ATG7: variants seen among roughly 807,000 people sequenced by gnomAD.
The protein encoded by ATG7 is autophagy related 7.
ATG7 carries 70 observed loss-of-function variants against 82.4 expected under a neutral mutation model. The observed-to-expected ratio is 0.85, with a 90% CI of 0.70 to 1.04. The LOEUF (loss-of-function observed/expected upper bound fraction) is 1.04, where lower values mean the gene tolerates loss of function less well. ATG7 is among the 50% of genes least tolerant of loss of function. ATG7 has a pLI of 0.00. For missense variants in ATG7, 792 were observed against 864.3 expected (o/e 0.92, Z 1.05); for synonymous variants, 287 against 313.0 (o/e 0.92, Z 0.88).
chr3:11,413,784 A>G (rs1284574791), intron 19 of ATG7, among the ~76,000 whole-genome samples: 1 of 152,166 alleles, frequency 6.6e-6, no homozygotes, highest in Non-Finnish European at 1.5e-5. Flanking sequence ...AATTCTTTAG[A>G]AAAGTTTGAA....
chr3:11,311,506 G>A (rs1948660311), intron 7 of ATG7, among the ~76,000 whole-genome samples: 1 of 151,758 alleles, frequency 6.6e-6, no homozygotes, highest in Non-Finnish European at 1.5e-5. Flanking sequence ...GGAGGCTGAG[G>A]CAGAAGAATT....
In ATG7 at chr3:11,424,095, C is replaced by A. The variant is rs559336293; in HGVS notation, c.1957-2709C>A. Among the ~76,000 whole-genome samples the A allele has an allele frequency of 1.8e-3, 276 of 151,862 alleles. 1 individual carries two copies. The highest frequency in any genetic ancestry group is 6.1e-3 in the African/African-American group (252 of 41,350). ...TCTAGACCCTAGAGCTCCCCTGCCT[C>A]CCGTCGCCTGGTCCTTTCGCTTTTC... On this transcript the variant is annotated intron_variant, in intron 19 of 20. Transcript: ENST00000693202.
chr3:11,328,799 T>C (rs1404378388), intron 9 of ATG7, among the ~76,000 whole-genome samples: 2 of 152,136 alleles, frequency 1.3e-5, no homozygotes, highest in Non-Finnish European at 2.9e-5. Flanking sequence ...TATGAAACAA[T>C]ATTTAGGCCA....
chr3:11,423,495 A>G (rs927541669), intron 19 of ATG7, among the ~76,000 whole-genome samples: 2 of 152,222 alleles, frequency 1.3e-5, no homozygotes, highest in African/African-American at 4.8e-5. Context: ...GTAATCACTA[A>G]ACACATAGTA....
At chr3:11,539,951 G>T (rs901190730) in intron 20 of ATG7, among the ~76,000 whole-genome samples, 1 of 152,178 alleles carries the variant, frequency 6.6e-6, no homozygotes, top group Non-Finnish European at 1.5e-5. Flanking sequence ...GAGTGTACCA[G>T]AATTGTTTAC....
At chr3:11,537,302 C>T (rs2070399586) in intron 20 of ATG7, among the ~76,000 whole-genome samples, 1 of 152,166 alleles carries the variant, frequency 6.6e-6, no homozygotes, top group African/African-American at 2.4e-5. Flanking sequence ...CATTCCACCT[C>T]TCACCCCATT....
intron 19 of ATG7, among the ~76,000 whole-genome samples, chr3:11,388,902 TACAC>T (rs1040070284): frequency 1.3e-5 from 2 of 152,200 alleles, no homozygotes; most frequent in Non-Finnish European, 2.9e-5. Context: ...TATATGGTCT[TACAC>T]ACACAGGCTT....
At chr3:11,538,724 A>G (rs185528677) in intron 20 of ATG7, among the ~76,000 whole-genome samples, 2 of 150,048 alleles carry the variant, frequency 1.3e-5, no homozygotes, top group East Asian at 3.9e-4. Context: ...AAAAAAAAAA[A>G]AAAGCCAGAT....
intron 20 of ATG7, among the ~76,000 whole-genome samples, chr3:11,450,427 A>C (rs2084997898): frequency 6.6e-6 from 1 of 152,186 alleles, no homozygotes. Flanking sequence ...CATTTTCCAC[A>C]GATCCTACCT....
intron 20 of ATG7, among the ~76,000 whole-genome samples, chr3:11,529,046 A>G (rs1307376871): frequency 6.6e-6 from 1 of 151,904 alleles, no homozygotes; most frequent in Non-Finnish European, 1.5e-5. Context: ...GAAATACCAT[A>G]TGGAAGGCAC....
intron 20 of ATG7, chr3:11,510,252 A>T (rs2153074781): frequency 2.2e-6 from 1 of 456,596 alleles, no homozygotes; most frequent in East Asian, 6.9e-5. Flanking sequence ...TGCACTCAGG[A>T]GTCGGCTGCC....
intron 20 of ATG7, among the ~76,000 whole-genome samples, chr3:11,465,118 G>A (rs897014837): frequency 6.9e-6 from 1 of 144,410 alleles, no homozygotes; most frequent in Non-Finnish European, 1.5e-5. Context: ...TGTGTGTAAG[G>A]ACACCTCCAG....
intron 13 of ATG7, among the ~76,000 whole-genome samples, chr3:11,345,927 C>T (rs1275933409): frequency 2.6e-5 from 4 of 152,202 alleles, no homozygotes; most frequent in East Asian, 3.9e-4. Context: ...AGAAGACACT[C>T]ATTTTCCTAC....
At position 11,297,378 on chromosome 3, in the gene ATG7, T is replaced by G. The variant is rs184210280; in HGVS notation, c.-10-1308T>G. Among the ~76,000 whole-genome samples, 27 of 152,270 alleles carry G rather than the reference T, an allele frequency of 1.8e-4. No homozygotes were observed. The East Asian group carries it at 4.6e-3, about 26-fold the overall frequency. On this transcript the variant is annotated intron_variant, in intron 3 of 20. Coordinates refer to ENST00000693202, the MANE Select transcript of ATG7 (RefSeq NM_001349232.2). ...GTAAATGTATCCCATTTACAGTGAC[T>G]GTTCATATGTTCTGCTGCAGAAATA... is the stretch of plus-strand genomic sequence containing the variant.
intron 19 of ATG7, among the ~76,000 whole-genome samples, chr3:11,411,898 G>A (rs1281316236): frequency 1.3e-5 from 2 of 151,578 alleles, no homozygotes; most frequent in East Asian, 1.9e-4. Flanking sequence ...TTTTAATATG[G>A]TGTTAGGTGA....
intron 10 of ATG7, among the ~76,000 whole-genome samples, chr3:11,332,515 T>TTGTTCTCTGAGGGAGACAATCC (rs1951794183): frequency 1.3e-5 from 2 of 152,102 alleles, no homozygotes; most frequent in Admixed American, 1.3e-4. Flanking sequence ...GGAGACAATC[T>TTGTTCTCTGAGGGAGACAATCC]ACAATTATCC....
At chr3:11,483,646 A>G (rs138600664) in intron 20 of ATG7, among the ~76,000 whole-genome samples, 326 of 152,304 alleles carry the variant, frequency 2.1e-3, no homozygotes, top group African/African-American at 7.2e-3. Flanking sequence ...TGTATATAGA[A>G]GTGGAGCTTA....
chr3:11,332,194 T>TA (rs55766843), intron 10 of ATG7, among the ~76,000 whole-genome samples: 152,341 of 152,342 alleles, frequency 1, 76,170 homozygotes, highest in Middle Eastern at 1. Context: ...AAATGTCATA[T>TA]ACAATGAATC....
intron 14 of ATG7, among the ~76,000 whole-genome samples, chr3:11,357,309 G>C (rs1025992731): frequency 3.3e-5 from 5 of 152,156 alleles, no homozygotes; most frequent in African/African-American, 1.2e-4. Flanking sequence ...TGGTCATCAA[G>C]GGGCAGATGG....
Sources: gnomAD v4.1 joint callset for allele counts (sites outside exome capture counted in the v4.1 genomes callset) on GRCh38, gnomAD v4.1.1 for gene constraint, MANE v1.5 for transcripts, NCBI Gene and HGNC (gene_info 2026-07-23, HGNC 2026-07-21) for gene names.